The following TRIM40 variants were observed in gnomAD, a reference collection of about 807,000 sequenced individuals.
TRIM40 encodes the protein E3 ubiquitin ligase TRIM40.
In TRIM40, 27 loss-of-function variants were observed where a neutral mutation model predicts 26.1. That is an observed-to-expected ratio of 1.04 (90% CI 0.76 to 1.43). The LOEUF is 1.43. Ranked by LOEUF, TRIM40 falls within the 40% of genes most tolerant of loss-of-function variation. The pLI, the probability that TRIM40 is intolerant of heterozygous loss-of-function variation, is 0.00. For missense variants in TRIM40, 289 were observed against 307.9 expected (o/e 0.94, Z 0.46); for synonymous variants, 114 against 120.0 (o/e 0.95, Z 0.33).
chr6:30,146,998 A>G lies in TRIM40; in HGVS notation c.455A>G (p.His152Arg). The G allele has an allele frequency of 1.3e-6, 2 of 1,597,596 alleles. No individual in the cohort carries two copies. Among genetic ancestry groups the G allele is most frequent in the Non-Finnish European group, 1.7e-6 (2 of 1,172,418 alleles). ...CCTTTCCTGTAGTTTCAGGTAGACC[A>G]CGGGAACCACAGGCTGGAGGCTGGG... is the stretch of plus-strand genomic sequence containing the variant. ...KLQALQFQVD[H>R]GNHRLEAGPE... The change falls in exon 4 of 6, where the codon CAC (histidine) becomes CGC (arginine). Residue 152 changes from histidine to arginine, a missense_variant. His to Arg is a conservative substitution (Grantham distance 29, BLOSUM62 0). Transcript: ENST00000396581.
rs561773222 is a variant in TRIM40 at position 30,142,900 on chromosome 6, A to G, written c.346-3094A>G. On this transcript the variant is annotated intron_variant, in intron 2 of 5. Transcript: ENST00000396581. ...CCATTGATTATTCTTTCTGTTATAT[A>G]GTTTTGACAACATGTTACTTTATGG... Among the ~76,000 whole-genome samples the G allele has an allele frequency of 3.0e-4, 46 of 151,964 alleles. 2 individuals are homozygous for G. In the East Asian group the frequency reaches 3.7e-3, roughly 12 times the overall value.
At chr6:30,139,729 T>C (rs1771235566) in intron 2 of TRIM40, among the ~76,000 whole-genome samples, 1 of 152,214 alleles carries the variant, frequency 6.6e-6, no homozygotes, top group Non-Finnish European at 1.5e-5. Context: ...AGCTGAGGGC[T>C]GGCAGAAGAG....
At chr6:30,146,233 G>A (rs183566672) in intron 3 of TRIM40, 144 bp downstream of exon 3, 9,650 of 685,946 alleles carry the variant, frequency 0.014, 552 homozygotes, top group South Asian at 0.12. Context: ...GTTGGCCTTG[G>A]CGTCAAAGTT....
At chr6:30,141,265 G>C (rs1336939121) in intron 2 of TRIM40, among the ~76,000 whole-genome samples, 1 of 152,242 alleles carries the variant, frequency 6.6e-6, no homozygotes, top group Non-Finnish European at 1.5e-5. Context: ...AGAGAGTGAG[G>C]CTGGAGTGAG....
rs775596587 is a variant in TRIM40 at position 30,147,822 on chromosome 6, C to G, written c.*10C>G. On this transcript the variant is annotated 3_prime_UTR_variant, in exon 6 of 6. Transcript: ENST00000396581. ...CCCTCAGAAGCTCTGACCTGTTCAT[C>G]CCTGGGACACCTCACTTCAGGCTCA... The G allele has an allele frequency of 6.2e-7, 1 of 1,612,236 alleles. No individual in the cohort carries two copies. Among genetic ancestry groups the G allele is most frequent in the African/African-American group, 1.3e-5 (1 of 74,876 alleles).
Position 30,137,356 on chromosome 6 carries a change from T to C in TRIM40, c.320T>C (p.Ile107Thr), listed in dbSNP as rs746679140. The change falls in exon 2 of 6, where the codon ATT (isoleucine) becomes ACT (threonine). Residue 107 changes from isoleucine to threonine, a missense_variant. Physicochemically the swap from Ile to Thr is moderately conservative, Grantham distance 89. Coordinates refer to ENST00000396581, the MANE Select transcript of TRIM40 (RefSeq NM_001286633.2). ...CACATGTCTCATCATGAACTGACCA[T>C]TGAAAATGCCCTCAGCCACTACAAG... Reference protein sequence around the residue: ...PEHMSHHELTIENALSHYKER... With the variant: ...PEHMSHHELTTENALSHYKER... 4.3e-6 allele frequency: 7 copies of C among 1,612,764 alleles called. No individual in the cohort carries two copies. Among genetic ancestry groups the C allele is most frequent in the South Asian group, 3.3e-5 (3 of 91,068 alleles).
In TRIM40 at chr6:30,147,907, T is replaced by C; in HGVS notation, c.*95T>C. On this transcript the variant is annotated 3_prime_UTR_variant, in exon 6 of 6. Coordinates refer to ENST00000396581, the MANE Select transcript of TRIM40 (RefSeq NM_001286633.2). ...CCAGGCCCCCACTGGGTCTACCCAG[T>C]GCATCTTCGGGCCTGCCAGCTCCTG... 1 of 1,056,320 alleles carries C rather than the reference T, an allele frequency of 9.5e-7. No homozygotes were observed. The highest frequency in any genetic ancestry group is 2.4e-5 in the East Asian group (1 of 41,958). The allele number at this position is 1,056,320 out of a possible 1,614,324, so 65.4% of individuals were successfully genotyped here. A position where few individuals can be genotyped will look rare whatever the true frequency, so the allele number is the denominator to read the frequency against.
chr6:30,146,127 T>C, intron 3 of TRIM40, 38 bp downstream of exon 3: 9 of 1,505,600 alleles, frequency 6.0e-6, no homozygotes, highest in Non-Finnish European at 8.3e-6. Context: ...CTCCCTGGAG[T>C]GTTCTCAGGA....
intron 2 of TRIM40, among the ~76,000 whole-genome samples, chr6:30,145,650 C>A (rs3815084): frequency 0.22 from 33,470 of 152,008 alleles, 4,016 homozygotes; most frequent in Admixed American, 0.25. Flanking sequence ...CCATGTGTTA[C>A]TGTAAAATAG....
chr6:30,146,139 C>A lies in TRIM40; in HGVS notation c.441+50C>A, dbSNP rs6917420. ...GGACTCCCTGGAGTGTTCTCAGGAGCCCTTACTTAACTATTCTGGACATCT... is the reference window on the plus strand; with the variant it reads ...GGACTCCCTGGAGTGTTCTCAGGAGACCTTACTTAACTATTCTGGACATCT... On this transcript the variant is annotated intron_variant, in intron 3 of 5. Coordinates refer to ENST00000396581, the MANE Select transcript of TRIM40 (RefSeq NM_001286633.2). 10,143 of 1,449,142 alleles carry A rather than the reference C, an allele frequency of 7.0e-3. 113 individuals carry two copies. Among genetic ancestry groups the A allele is most frequent in the Middle Eastern group, 0.041 (228 of 5,506 alleles). The allele number at this position is 1,449,142 out of a possible 1,614,324, so 89.8% of individuals were successfully genotyped here. A position where few individuals can be genotyped will look rare whatever the true frequency, so the allele number is the denominator to read the frequency against.
Position 30,147,954 on chromosome 6 carries a change from G to A in TRIM40, c.*142G>A. 2.9e-6 allele frequency: 2 copies of A among 681,224 alleles called. No individual in the cohort carries two copies. Among genetic ancestry groups the A allele is most frequent in the Non-Finnish European group, 5.2e-6 (2 of 386,832 alleles). 42.2% of individuals were successfully genotyped at this position (681,224 alleles called of 1,614,324 possible). ...CCTGAACATGTCACCATTTCTTCAT[G>A]TCCACAGTCATCACCTGATGCCTGA... On this transcript the variant is annotated 3_prime_UTR_variant, in exon 6 of 6. Coordinates refer to ENST00000396581, the MANE Select transcript of TRIM40 (RefSeq NM_001286633.2).
intron 2 of TRIM40, among the ~76,000 whole-genome samples, chr6:30,139,235 A>G (rs1771189166): frequency 6.6e-6 from 1 of 152,164 alleles, no homozygotes; most frequent in Non-Finnish European, 1.5e-5. Flanking sequence ...AAACTGCAGC[A>G]TGTGCTAGGA....
chr6:30,137,331 C>T lies in TRIM40; in HGVS notation c.295C>T (p.His99Tyr). The T allele has an allele frequency of 6.2e-7, 1 of 1,613,036 alleles. No individual in the cohort carries two copies. The highest frequency in any genetic ancestry group is 8.5e-7 in the Non-Finnish European group (1 of 1,180,020). Residue 99 changes from histidine to tyrosine, a missense_variant, in exon 2 of 6, where the codon CAC becomes TAC. Coordinates refer to ENST00000396581, the MANE Select transcript of TRIM40 (RefSeq NM_001286633.2). ...LCVECLVSPE[H>Y]MSHHELTIEN... Reference sequence around the variant, plus strand: ...TGTGGAATGCCTGGTGTCCCCTGAACACATGTCTCATCATGAACTGACCAT... The same window carrying T: ...TGTGGAATGCCTGGTGTCCCCTGAATACATGTCTCATCATGAACTGACCAT...
intron 2 of TRIM40, among the ~76,000 whole-genome samples, chr6:30,145,610 C>T (rs980638396): frequency 6.6e-6 from 1 of 152,186 alleles, no homozygotes; most frequent in East Asian, 1.9e-4. Context: ...TTGCCATTTC[C>T]TCTTTAAGGC....
chr6:30,136,703 A>G (rs9261468), intron 1 of TRIM40, 30 bp from the exon 2 acceptor site: 66,726 of 338,756 alleles, frequency 0.2, 7,448 homozygotes, highest in Non-Finnish European at 0.23. Flanking sequence ...GGAAAACAGA[A>G]TTGGTTATTG....
At chr6:30,141,178 T>C (rs753920371) in intron 2 of TRIM40, among the ~76,000 whole-genome samples, 12 of 152,090 alleles carry the variant, frequency 7.9e-5, no homozygotes, top group African/African-American at 1.9e-4. Context: ...ACGTGACAAT[T>C]TGGGGCTGGG....
intron 2 of TRIM40, among the ~76,000 whole-genome samples, chr6:30,140,882 C>T (rs924590818): frequency 6.6e-6 from 1 of 152,166 alleles, no homozygotes; most frequent in Non-Finnish European, 1.5e-5. Flanking sequence ...CAAGTTGAGA[C>T]ACATCAAAAT....
At chr6:30,137,451 A>G (rs1771088057) in intron 2 of TRIM40, 70 bp downstream of exon 2, 3 of 1,355,488 alleles carry the variant, frequency 2.2e-6, no homozygotes, top group Admixed American at 3.6e-5. Context: ...CATGTTCATC[A>G]TGCCTGGCAC....
Position 30,144,020 on chromosome 6 carries a change from CAGAG to C in TRIM40, c.346-1970_346-1967del, listed in dbSNP as rs146627631. ...AGGCAGAAAAATAAAGCACTCCTGA[CAGAG>C]AGAAGTAAAAGGCCATGAGGAGGTG... On this transcript the variant is annotated intron_variant, in intron 2 of 5. Coordinates refer to ENST00000396581, the MANE Select transcript of TRIM40 (RefSeq NM_001286633.2). 1.8e-3 allele frequency among the ~76,000 whole-genome samples: 281 copies of C among 152,098 alleles called. 2 individuals are homozygous for C. Among genetic ancestry groups the C allele is most frequent in the African/African-American group, 6.4e-3 (266 of 41,468 alleles).
Sources: allele counts gnomAD v4.1 joint callset (sites outside exome capture counted in the v4.1 genomes callset), GRCh38; gene constraint gnomAD v4.1.1; transcripts MANE v1.5; gene names NCBI Gene and HGNC (gene_info 2026-07-23, HGNC 2026-07-21).